The following MAGI1 variants were observed in gnomAD, a reference collection of about 807,000 sequenced individuals.
MAGI1 encodes membrane associated guanylate kinase, WW and PDZ domain containing 1, also known as membrane-associated guanylate kinase, WW and PDZ domain-containing protein 1.
MAGI1 carries 58 observed loss-of-function variants against 139.9 expected under a neutral mutation model. That is an observed-to-expected ratio of 0.41 (90% CI 0.34 to 0.52). The LOEUF (loss-of-function observed/expected upper bound fraction) is 0.52. Among genes scored for constraint, MAGI1 ranks in the 20% least tolerant of loss-of-function variants. MAGI1 has a pLI of 0.12. For missense variants in MAGI1, 1,874 were observed against 1,901.6 expected (o/e 0.99, Z 0.27); for synonymous variants, 812 against 737.9 (o/e 1.10, Z -1.63).
chr3:65,361,359 A>G lies in MAGI1; in HGVS notation c.3496-22T>C, dbSNP rs779302941. 3 of 1,611,294 alleles carry G rather than the reference A, an allele frequency of 1.9e-6. No individual in the cohort carries two copies. The African/African-American group carries it at 4.0e-5, about 22-fold the overall frequency. On this transcript the variant is annotated intron_variant, in intron 21 of 22. Coordinates refer to ENST00000402939, the MANE Select transcript of MAGI1 (RefSeq NM_001033057.2). Reference sequence around the variant, plus strand: ...CAATCTGCCAAAGCAAAAGAAAACTAAGTGAGATTTGAAATTCATGTACGG... The same window carrying G: ...CAATCTGCCAAAGCAAAAGAAAACTGAGTGAGATTTGAAATTCATGTACGG...
At chr3:65,750,835 T>C (rs2036090287) in intron 1 of MAGI1, among the ~76,000 whole-genome samples, 1 of 152,206 alleles carries the variant, frequency 6.6e-6, no homozygotes, top group Non-Finnish European at 1.5e-5. Flanking sequence ...TATTAACTCT[T>C]CTCAATCAAC....
intron 1 of MAGI1, among the ~76,000 whole-genome samples, chr3:65,626,997 G>T (rs1490888280): frequency 6.6e-6 from 1 of 152,266 alleles, no homozygotes; most frequent in East Asian, 1.9e-4. Flanking sequence ...GATTTATTTT[G>T]TAAATAGAAA....
At position 65,882,953 on chromosome 3, in the gene MAGI1, GA is replaced by G. The variant is rs1259522394; in HGVS notation, c.313+155042del. ...CTGTCTCAAAAAAAAAAAAAAAAAGGAAAAAAGAAAGGAAAGAAAAGGGAAA... is the reference window on the plus strand; with the variant it reads ...CTGTCTCAAAAAAAAAAAAAAAAAGGAAAAAGAAAGGAAAGAAAAGGGAAA... On this transcript the variant is annotated intron_variant, in intron 1 of 22. Transcript: ENST00000402939. Among the ~76,000 whole-genome samples, 183 of 145,958 alleles carry G rather than the reference GA, an allele frequency of 1.3e-3. 2 individuals are homozygous for G. In the East Asian group the frequency reaches 0.033, roughly 26 times the overall value.
chr3:65,969,471 G>C (rs1037172065), intron 1 of MAGI1, among the ~76,000 whole-genome samples: 1 of 152,112 alleles, frequency 6.6e-6, no homozygotes, highest in African/African-American at 2.4e-5. Flanking sequence ...TGCTCCCTAG[G>C]GGATAAAATT....
chr3:65,959,454 T>C (rs76603364), intron 1 of MAGI1, among the ~76,000 whole-genome samples: 2,899 of 152,128 alleles, frequency 0.019, 82 homozygotes, highest in African/African-American at 0.06. Context: ...CTTTTTGTTA[T>C]TTTGGTTTTT....
intron 2 of MAGI1, among the ~76,000 whole-genome samples, chr3:65,560,035 C>T (rs1168786936): frequency 3.9e-5 from 6 of 152,000 alleles, no homozygotes; most frequent in East Asian, 1.9e-4. Flanking sequence ...GACCCTGTCT[C>T]GAAAAACAAA....
At chr3:65,359,352 CG>C in intron 22 of MAGI1, 3 of 1,366,858 alleles carry the variant, frequency 2.2e-6, no homozygotes, top group Non-Finnish European at 2.8e-6. Flanking sequence ...AGACCGCAAT[CG>C]GAACAGTGAC....
At chr3:65,974,862 T>C (rs1428921862) in intron 1 of MAGI1, among the ~76,000 whole-genome samples, 2 of 152,162 alleles carry the variant, frequency 1.3e-5, no homozygotes, top group African/African-American at 4.8e-5. Context: ...CATTAGGCTA[T>C]TGGTCTCACA....
At chr3:65,865,502 G>A (rs777271373) in intron 1 of MAGI1, among the ~76,000 whole-genome samples, 6 of 152,138 alleles carry the variant, frequency 3.9e-5, no homozygotes, top group Non-Finnish European at 5.9e-5. Flanking sequence ...AGACTGAGAT[G>A]GGAGGATCAC....
chr3:65,887,174 A>G (rs1222895720), intron 1 of MAGI1, among the ~76,000 whole-genome samples: 2 of 152,148 alleles, frequency 1.3e-5, no homozygotes, highest in Non-Finnish European at 2.9e-5. Flanking sequence ...TTATCTGTAT[A>G]GAAAAATTGA....
At chr3:65,471,039 A>G (rs11915732) in intron 4 of MAGI1, among the ~76,000 whole-genome samples, 1 of 152,332 alleles carries the variant, frequency 6.6e-6, no homozygotes, top group East Asian at 1.9e-4. Flanking sequence ...AAACGTATAC[A>G]AAAGTTTAGA....
intron 4 of MAGI1, among the ~76,000 whole-genome samples, chr3:65,475,279 C>A (rs1950825157): frequency 6.6e-6 from 1 of 152,064 alleles, no homozygotes; most frequent in Admixed American, 6.6e-5. Flanking sequence ...AATGGTGCAG[C>A]CTCGGCTCAC....
At chr3:65,456,043 C>T (rs1002960416) in intron 5 of MAGI1, among the ~76,000 whole-genome samples, 8 of 152,170 alleles carry the variant, frequency 5.3e-5, no homozygotes, top group Non-Finnish European at 8.8e-5. Context: ...TAAATGATCA[C>T]GTGTGTCGTT....
intron 1 of MAGI1, among the ~76,000 whole-genome samples, chr3:65,978,033 TA>T (rs2107240809): frequency 6.6e-6 from 1 of 152,320 alleles, no homozygotes; most frequent in Admixed American, 6.5e-5. Context: ...AACTAGCTGT[TA>T]TTTTTTTCCG....
chr3:65,961,446 T>C (rs2064418777), intron 1 of MAGI1, among the ~76,000 whole-genome samples: 3 of 152,188 alleles, frequency 2.0e-5, no homozygotes, highest in African/African-American at 7.2e-5. Context: ...CACTGTTAAC[T>C]AAATAGATGA....
At chr3:65,659,008 T>C (rs79936234) in intron 1 of MAGI1, among the ~76,000 whole-genome samples, 1 of 152,206 alleles carries the variant, frequency 6.6e-6, no homozygotes, top group East Asian at 1.9e-4. Flanking sequence ...GCTCCTCTTG[T>C]ACGATAAATG....
chr3:65,911,371 A>G (rs1240558525), intron 1 of MAGI1, among the ~76,000 whole-genome samples: 2 of 152,026 alleles, frequency 1.3e-5, no homozygotes, highest in Non-Finnish European at 2.9e-5. Flanking sequence ...GGGACGCTCT[A>G]CAGAGATGTG....
intron 6 of MAGI1, among the ~76,000 whole-genome samples, chr3:65,450,040 G>T (rs1022863424): frequency 2.0e-5 from 3 of 152,150 alleles, no homozygotes; most frequent in Non-Finnish European, 2.9e-5. Flanking sequence ...AATAACTATT[G>T]TGAAATATAA....
intron 1 of MAGI1, among the ~76,000 whole-genome samples, chr3:65,864,215 A>G (rs1398527027): frequency 6.6e-6 from 1 of 152,216 alleles, no homozygotes; most frequent in Non-Finnish European, 1.5e-5. Context: ...ACACACAGAC[A>G]TAGAGAAACG....
Sources: gnomAD v4.1 joint callset for allele counts (sites outside exome capture counted in the v4.1 genomes callset) on GRCh38, gnomAD v4.1.1 for gene constraint, MANE v1.5 for transcripts, NCBI Gene and HGNC (gene_info 2026-07-23, HGNC 2026-07-21) for gene names.